The following GABBR2 variants were observed in gnomAD, a reference collection of about 807,000 sequenced individuals.
The protein encoded by GABBR2 is gamma-aminobutyric acid type B receptor subunit 2.
In GABBR2, 23 loss-of-function variants were observed where a neutral mutation model predicts 105.6. The ratio of observed to expected loss-of-function variants is 0.22; its 90% CI spans 0.16 to 0.31. The LOEUF (loss-of-function observed/expected upper bound fraction) is 0.31, where lower values mean the gene tolerates loss of function less well. Ranked by LOEUF, GABBR2 falls within the 10% of genes least tolerant of loss-of-function variation. The pLI is 1.00. For missense variants in GABBR2, 734 were observed against 1,245.5 expected (o/e 0.59, Z 6.18); for synonymous variants, 478 against 499.7 (o/e 0.96, Z 0.58).
chr9:98,312,185 G>A (rs1830646419), intron 13 of GABBR2, among the ~76,000 whole-genome samples: 2 of 152,164 alleles, frequency 1.3e-5, no homozygotes. Flanking sequence ...TTGCCAATTG[G>A]CTTAATAACG....
intron 3 of GABBR2, among the ~76,000 whole-genome samples, chr9:98,511,501 C>G (rs10760383): frequency 0.96 from 137,727 of 143,206 alleles, 66,312 homozygotes; most frequent in African/African-American, 0.99. Context: ...AAAATTGATA[C>G]ACCGCTAGCA....
At chr9:98,543,392 G>T (rs1828340856) in intron 2 of GABBR2, among the ~76,000 whole-genome samples, 1 of 151,718 alleles carries the variant, frequency 6.6e-6, no homozygotes. Context: ...TAGAGACAGG[G>T]TCCATTCTGT....
At chr9:98,694,872 G>A (rs979605295) in intron 1 of GABBR2, among the ~76,000 whole-genome samples, 4 of 152,230 alleles carry the variant, frequency 2.6e-5, no homozygotes, top group African/African-American at 4.8e-5. Context: ...TCATCCATTA[G>A]AGAGCATCAG....
At chr9:98,352,185 A>G (rs1564027927) in intron 13 of GABBR2, among the ~76,000 whole-genome samples, 1 of 152,246 alleles carries the variant, frequency 6.6e-6, no homozygotes, top group African/African-American at 2.4e-5. Context: ...GACACCAGGC[A>G]AGCTGGTCCT....
chr9:98,437,137 T>G lies in GABBR2; in HGVS notation c.1236+16844A>C, dbSNP rs1385993490. On this transcript the variant is annotated intron_variant, in intron 7 of 18. Transcript: ENST00000259455. ...CACATCAGAAAATGTGGCAAACACT[T>G]TGTAGAGGTCAGGACCTGTACAGAA... is the stretch of plus-strand genomic sequence containing the variant. 2.6e-5 allele frequency among the ~76,000 whole-genome samples: 4 copies of G among 152,196 alleles called. No individual in the cohort carries two copies. In the East Asian group the frequency reaches 7.7e-4, roughly 29 times the overall value.
intron 6 of GABBR2, 71 bp downstream of exon 6, chr9:98,473,075 G>T: frequency 8.7e-7 from 1 of 1,146,794 alleles, no homozygotes; most frequent in Non-Finnish European, 1.3e-6. Flanking sequence ...GTGCTCTTTT[G>T]GCCAATGTCA....
intron 3 of GABBR2, among the ~76,000 whole-genome samples, chr9:98,535,418 A>T (rs897044672): frequency 2.0e-5 from 3 of 152,008 alleles, no homozygotes; most frequent in African/African-American, 7.3e-5. Flanking sequence ...AGGATATTTT[A>T]AAAATAAATA....
intron 3 of GABBR2, among the ~76,000 whole-genome samples, chr9:98,519,845 A>G (rs1480514111): frequency 1.3e-5 from 2 of 152,172 alleles, no homozygotes; most frequent in Admixed American, 6.5e-5. Flanking sequence ...CTATGTTCCA[A>G]TAAAACTTTA....
At chr9:98,452,230 A>G (rs974161944) in intron 7 of GABBR2, among the ~76,000 whole-genome samples, 1 of 152,240 alleles carries the variant, frequency 6.6e-6, no homozygotes, top group Non-Finnish European at 1.5e-5. Context: ...TGCCCCAGCC[A>G]GCTCAGCTTA....
At chr9:98,381,431 T>A (rs191502341) in intron 11 of GABBR2, among the ~76,000 whole-genome samples, 116 of 152,284 alleles carry the variant, frequency 7.6e-4, no homozygotes, top group Non-Finnish European at 1.0e-4. Context: ...TGGCACCAAG[T>A]GAAATTAAGG....
In GABBR2 at chr9:98,288,657, T is replaced by C. The variant is rs1431609315; in HGVS notation, c.*1927A>G. The C allele has an allele frequency of 6.6e-6, 1 of 152,636 alleles. No individual in the cohort carries two copies. Among genetic ancestry groups the C allele is most frequent in the African/African-American group, 2.4e-5 (1 of 41,454 alleles). The allele number at this position is 152,636 out of a possible 1,614,324, so 9.5% of individuals were successfully genotyped here. On this transcript the variant is annotated 3_prime_UTR_variant, in exon 19 of 19. Transcript: ENST00000259455. ...TGAAATCAAGAAAGCAAGTAAATAC[T>C]GGTAATACACAGTGAGTGACAACAC...
chr9:98,481,924 T>C (rs868385790), intron 4 of GABBR2, among the ~76,000 whole-genome samples: 2 of 152,196 alleles, frequency 1.3e-5, no homozygotes, highest in African/African-American at 4.8e-5. Context: ...GAGGCTCTCA[T>C]GGGTCAGGTA....
At chr9:98,497,116 T>C (rs534314493) in intron 3 of GABBR2, among the ~76,000 whole-genome samples, 2 of 152,268 alleles carry the variant, frequency 1.3e-5, no homozygotes, top group African/African-American at 2.4e-5. Flanking sequence ...TATTACAGAA[T>C]GATAGGGCTG....
At chr9:98,578,256 C>A (rs1224926391) in intron 1 of GABBR2, among the ~76,000 whole-genome samples, 184 bp from the exon 2 acceptor site, 1 of 152,148 alleles carries the variant, frequency 6.6e-6, no homozygotes, top group Non-Finnish European at 1.5e-5. Flanking sequence ...TCTTGGCACC[C>A]ACTATCCTGT....
chr9:98,448,356 G>A, intron 7 of GABBR2, among the ~76,000 whole-genome samples: 1 of 152,142 alleles, frequency 6.6e-6, no homozygotes, highest in East Asian at 1.9e-4. Flanking sequence ...TCCAAACCCA[G>A]TGTACATGCC....
intron 12 of GABBR2, 131 bp from the exon 13 acceptor site, chr9:98,362,968 T>A: frequency 1.5e-6 from 1 of 677,430 alleles, no homozygotes; most frequent in Non-Finnish European, 2.3e-6. Context: ...CGATTCCCCA[T>A]CACCCACAGG....
intron 6 of GABBR2, among the ~76,000 whole-genome samples, chr9:98,470,013 G>A (rs866667450): frequency 3.3e-5 from 5 of 152,142 alleles, no homozygotes; most frequent in African/African-American, 1.2e-4. Context: ...AAGGCTGTTC[G>A]GAGAAGTTGG....
intron 8 of GABBR2, among the ~76,000 whole-genome samples, chr9:98,397,434 A>G (rs1038664221): frequency 2.6e-5 from 4 of 152,076 alleles, no homozygotes; most frequent in Non-Finnish European, 5.9e-5. Context: ...TCACAATTTC[A>G]GATCTTGCAT....
intron 7 of GABBR2, among the ~76,000 whole-genome samples, chr9:98,410,033 C>G (rs958316595): frequency 2.6e-5 from 4 of 152,132 alleles, no homozygotes; most frequent in Non-Finnish European, 4.4e-5. Flanking sequence ...AATGCTGCCA[C>G]TAGATGCTTT....
Sources: gnomAD v4.1 joint callset for allele counts (sites outside exome capture counted in the v4.1 genomes callset) on GRCh38, gnomAD v4.1.1 for gene constraint, MANE v1.5 for transcripts, NCBI Gene and HGNC (gene_info 2026-07-23, HGNC 2026-07-21) for gene names.